Variants in AMOTL2 observed in about 807,000 individuals in gnomAD.
AMOTL2 encodes the protein angiomotin like 2.
A neutral mutation model predicts 78.4 loss-of-function variants in AMOTL2; 33 were observed. The ratio of observed to expected loss-of-function variants is 0.42; its 90% CI spans 0.32 to 0.56. The LOEUF (loss-of-function observed/expected upper bound fraction) is 0.56. Among genes scored for constraint, AMOTL2 ranks in the 20% least tolerant of loss-of-function variants. AMOTL2 has a pLI of 0.12. For synonymous variants in AMOTL2, 422 were observed against 428.8 expected (o/e 0.98, Z 0.20); for missense variants, 983 against 1,030.1 (o/e 0.95, Z 0.63).
At position 134,370,925 on chromosome 3, in the gene AMOTL2, T is replaced by A. The variant is rs1272736075; in HGVS notation, c.509A>T (p.Asn170Ile). 1.2e-6 allele frequency: 2 copies of A among 1,612,006 alleles called. No homozygotes were observed. Among genetic ancestry groups the A allele is most frequent in the Non-Finnish European group, 8.5e-7 (1 of 1,179,344 alleles). The change falls in exon 2 of 10, where the codon AAC becomes ATC. Residue 170 changes from asparagine to isoleucine, a missense_variant. Physicochemically the swap from Asn to Ile is moderately radical, Grantham distance 149 (BLOSUM62 -3). Coordinates refer to ENST00000249883, the MANE Select transcript of AMOTL2 (RefSeq NM_016201.4). ...ERLLQLSLERNGARAPSHMSS... is the reference protein window; with the variant it reads ...ERLLQLSLERIGARAPSHMSS... The stretch of plus-strand genomic sequence containing the variant: ...CATGTGGCTGGGGGCCCGGGCGCCG[T>A]TCCTCTCCAGGGACAACTGAAGGAG...
At chr3:134,364,172 G>C (rs541945854) in intron 5 of AMOTL2, among the ~76,000 whole-genome samples, 3 of 152,206 alleles carry the variant, frequency 2.0e-5, no homozygotes, top group Non-Finnish European at 2.9e-5. Flanking sequence ...CCCAAAGCCG[G>C]GCGAAGGGCG....
chr3:134,358,441 C>G (rs1214676562), intron 9 of AMOTL2, 99 bp downstream of exon 9: 2 of 1,419,628 alleles, frequency 1.4e-6, no homozygotes, highest in Non-Finnish European at 1.9e-6. Flanking sequence ...CGGGCAATGA[C>G]CCGGAGGGGG....
rs759434423 is a variant in AMOTL2, at chr3:134,361,675, C to G, written c.1412G>C (p.Arg471Pro). The G allele has an allele frequency of 6.2e-7, 1 of 1,611,602 alleles. No homozygotes were observed. The highest frequency in any genetic ancestry group is 1.1e-5 in the South Asian group (1 of 91,086). ...ALGNAQGRAA[R>P]AEEELRKKQA... Reference sequence around the variant, plus strand: ...CTTCTTGCGCAGCTCCTCTTCGGCTCGAGCTGCCCGGCCCTGCGCATTGCC... The same window carrying G: ...CTTCTTGCGCAGCTCCTCTTCGGCTGGAGCTGCCCGGCCCTGCGCATTGCC... Residue 471 changes from arginine to proline, a missense_variant, in exon 6 of 10, where the codon CGA becomes CCA. By Grantham distance (103) the Arg-to-Pro change is moderately radical. Transcript: ENST00000249883.
At chr3:134,360,849 T>C (rs1287548247) in intron 6 of AMOTL2, among the ~76,000 whole-genome samples, 1 of 152,168 alleles carries the variant, frequency 6.6e-6, no homozygotes, top group African/African-American at 2.4e-5. Context: ...TGGACAACCA[T>C]CTTTCCTCCC....
intron 2 of AMOTL2, among the ~76,000 whole-genome samples, chr3:134,368,112 G>A (rs1327929990): frequency 6.6e-6 from 1 of 152,084 alleles, no homozygotes; most frequent in Non-Finnish European, 1.5e-5. Flanking sequence ...TTGGGGATCA[G>A]CCTGAGCAAT....
chr3:134,370,812 C>G lies in AMOTL2; in HGVS notation c.622G>C (p.Gly208Arg), dbSNP rs146875972. ...GPPAEGPESRGPPPQYPHVVL... is the reference protein window; with the variant it reads ...GPPAEGPESRRPPPQYPHVVL... ...ACATGAGGGTACTGAGGTGGGGGTCCTCGGGACTCTGGGCCCTCAGCAGGG... is the reference window on the plus strand; with the variant it reads ...ACATGAGGGTACTGAGGTGGGGGTCGTCGGGACTCTGGGCCCTCAGCAGGG... Residue 208 changes from glycine to arginine, a missense_variant, in exon 2 of 10, where the codon GGA (glycine) becomes CGA (arginine). Gly to Arg is a moderately radical substitution (Grantham distance 125). Coordinates refer to ENST00000249883, the MANE Select transcript of AMOTL2 (RefSeq NM_016201.4). 1.3e-4 allele frequency: 210 copies of G among 1,570,088 alleles called. No homozygotes were observed. In the African/African-American group the frequency reaches 2.6e-3, roughly 20 times the overall value.
chr3:134,363,542 C>T (rs765565384), intron 5 of AMOTL2, among the ~76,000 whole-genome samples: 102 of 152,212 alleles, frequency 6.7e-4, no homozygotes, highest in Admixed American at 1.2e-3. Context: ...GAATCTGGGG[C>T]GCAGGGAGAG....
upstream of AMOTL2, chr3:134,375,347 C>T (rs1323124487): frequency 9.3e-7 from 1 of 1,079,214 alleles, no homozygotes; most frequent in Non-Finnish European, 1.4e-6. Flanking sequence ...CTGTTATCAT[C>T]CCTGTGTTGT....
At chr3:134,367,827 T>C in intron 2 of AMOTL2, 24 bp from the exon 3 acceptor site, 1 of 1,611,784 alleles carries the variant, frequency 6.2e-7, no homozygotes, top group Non-Finnish European at 8.5e-7. Context: ...GAGACGGTGC[T>C]CAGAGACAGC....
Position 134,367,589 on chromosome 3 carries a change from C to T in AMOTL2, c.949G>A (p.Val317Met), listed in dbSNP as rs144090840. 1.0e-4 allele frequency: 167 copies of T among 1,613,442 alleles called. No homozygotes were observed. Among genetic ancestry groups the T allele is most frequent in the Middle Eastern group, 3.5e-4 (2 of 5,648 alleles). Residue 317 changes from valine (V) to methionine (M), a missense_variant, in exon 3 of 10, where the codon GTG becomes ATG. By Grantham distance (21) the Val-to-Met change is conservative (BLOSUM62 1). Coordinates refer to ENST00000249883, the MANE Select transcript of AMOTL2 (RefSeq NM_016201.4). ...TGCAGCCTGGCATTCTCCCTCAGCA[C>T]GGCCTCCATCTGGGCCAGGTGGGCA... is the stretch of plus-strand genomic sequence containing the variant. The part of the protein sequence containing the change: ...GSAHLAQMEA[V>M]LRENARLQRD...
chr3:134,358,786 G>GT lies in AMOTL2; in HGVS notation c.2105-68dup. The GT allele has an allele frequency of 6.3e-6, 10 of 1,580,614 alleles. No individual in the cohort carries two copies. In the South Asian group the frequency reaches 1.1e-4, roughly 18 times the overall value. On this transcript the variant is annotated intron_variant, in intron 8 of 9. Coordinates refer to ENST00000249883, the MANE Select transcript of AMOTL2 (RefSeq NM_016201.4). ...GTGGCCCTGGTGAAGGACACTCTAA[G>GT]TTAACTGTCCCTGCTGGGGATTCAA... is the stretch of plus-strand genomic sequence containing the variant.
upstream of AMOTL2, chr3:134,374,842 G>C: frequency 6.0e-6 from 7 of 1,167,516 alleles, no homozygotes; most frequent in Non-Finnish European, 7.5e-6. Flanking sequence ...CCCATCGACG[G>C]GACGACAGCA....
Position 134,357,224 on chromosome 3 carries a change from A to G in AMOTL2, c.*481T>C, listed in dbSNP as rs2017117250. The G allele has an allele frequency of 5.8e-6, 1 of 172,100 alleles. No homozygotes were observed. The highest frequency in any genetic ancestry group is 5.6e-5 in the Admixed American group (1 of 17,908). 10.7% of individuals were successfully genotyped at this position (172,100 alleles called of 1,614,324 possible). A position where few individuals can be genotyped will look rare whatever the true frequency, so the allele number is the denominator to read the frequency against. ...GCAGTGAGGAACTGAAGAGCAGATG[A>G]CGTTGGCTGGAACCAAACTTAGCCA... On this transcript the variant is annotated 3_prime_UTR_variant, in exon 10 of 10. Transcript: ENST00000249883.
Position 134,365,926 on chromosome 3 carries a change from A to G in AMOTL2, c.1187-17T>C, listed in dbSNP as rs2017585269. ...CCAATCTCTCTGTTTCAAGGGAAGG[A>G]AAGATGTTTTAGTGTCAGGTGAAGC... On this transcript the variant is annotated splice_polypyrimidine_tract_variant and intron_variant, in intron 4 of 9. Coordinates refer to ENST00000249883, the MANE Select transcript of AMOTL2 (RefSeq NM_016201.4). 6.2e-7 allele frequency: 1 copy of G among 1,613,074 alleles called. No individual in the cohort carries two copies. Among genetic ancestry groups the G allele is most frequent in the Non-Finnish European group, 8.5e-7 (1 of 1,179,206 alleles).
intron 7 of AMOTL2, 99 bp downstream of exon 7, chr3:134,360,007 G>C (rs2017281106): frequency 7.6e-7 from 1 of 1,318,740 alleles, no homozygotes; most frequent in African/African-American, 1.5e-5. Flanking sequence ...TGAGCTCTAT[G>C]GGGAAAGGGG....
rs185326245 is a variant in AMOTL2, at chr3:134,358,779, A to C, written c.2105-60T>G. ...GTAAGATGTGGCCCTGGTGAAGGACACTCTAAGTTAACTGTCCCTGCTGGG... is the reference window on the plus strand; with the variant it reads ...GTAAGATGTGGCCCTGGTGAAGGACCCTCTAAGTTAACTGTCCCTGCTGGG... On this transcript the variant is annotated intron_variant, in intron 8 of 9. Transcript: ENST00000249883. 130 of 1,592,698 alleles carry C rather than the reference A, an allele frequency of 8.2e-5. 1 individual carries two copies. In the East Asian group the frequency reaches 2.8e-3, roughly 34 times the overall value.
At chr3:134,361,921 A>C in intron 5 of AMOTL2, 114 bp from the exon 6 acceptor site, 1 of 909,356 alleles carries the variant, frequency 1.1e-6, no homozygotes, top group Non-Finnish European at 1.6e-6. Flanking sequence ...TTCTCTCAAA[A>C]ATAACAGGAA....
chr3:134,364,624 T>C lies in AMOTL2; in HGVS notation c.1279+1193A>G, dbSNP rs144368119. Among the ~76,000 whole-genome samples the C allele has an allele frequency of 9.8e-3, 1,487 of 151,994 alleles. 27 individuals are homozygous for C. Among genetic ancestry groups the C allele is most frequent in the African/African-American group, 0.032 (1,324 of 41,476 alleles). On this transcript the variant is annotated intron_variant, in intron 5 of 9. Transcript: ENST00000249883. ...AGCCAGAAGAGACCAGCCTACCTCC[T>C]GCCCCACCCTGTCAATTCCTTCAGT...
chr3:134,367,654 C>T lies in AMOTL2; in HGVS notation c.884G>A (p.Gly295Glu). 1 of 1,613,426 alleles carries T rather than the reference C, an allele frequency of 6.2e-7. No individual in the cohort carries two copies. The highest frequency in any genetic ancestry group is 8.5e-7 in the Non-Finnish European group (1 of 1,180,036). The change falls in exon 3 of 10, where the codon GGG (glycine) becomes GAG (glutamate). Residue 295 changes from glycine (G) to glutamate (E), a missense_variant. Gly to Glu is a moderately conservative substitution (Grantham distance 98, BLOSUM62 -2). Transcript: ENST00000249883. ...LSSLSPPAVE[G>E]PVSAQASSAT... is the part of the protein sequence containing the mutation. The stretch of plus-strand genomic sequence containing the variant: ...TGAGGAGGCCTGGGCACTCACTGGC[C>T]CCTCCACAGCAGGTGGACTGAGGGA...
Sources: allele counts gnomAD v4.1 joint callset (sites outside exome capture counted in the v4.1 genomes callset), GRCh38; gene constraint gnomAD v4.1.1; transcripts MANE v1.5; gene names NCBI Gene and HGNC (gene_info 2026-07-23, HGNC 2026-07-21).